The following LRRC8C variants were observed in gnomAD, a reference collection of about 807,000 sequenced individuals.
The protein encoded by LRRC8C is leucine rich repeat containing 8 VRAC subunit C, also known as volume-regulated anion channel subunit LRRC8C.
LRRC8C carries 20 observed loss-of-function variants against 55.3 expected under a neutral mutation model. That is an observed-to-expected ratio of 0.36 (90% CI 0.25 to 0.53). The LOEUF (loss-of-function observed/expected upper bound fraction) is 0.53, where lower values mean the gene tolerates loss of function less well. Ranked by LOEUF, LRRC8C falls within the 20% of genes least tolerant of loss-of-function variation. LRRC8C has a pLI of 0.92. For missense variants in LRRC8C, 659 were observed against 951.4 expected, an observed-to-expected ratio of 0.69 and a Z score of 4.04; for synonymous variants, 376 against 360.7, an observed-to-expected ratio of 1.04 and a Z score of -0.48.
chr1:89,667,896 A>G (rs1040392643), intron 1 of LRRC8C, among the ~76,000 whole-genome samples: 4 of 152,166 alleles, frequency 2.6e-5, no homozygotes, highest in South Asian at 2.1e-4. Context: ...TGGGACCTGA[A>G]TGGAGAAGCC....
intron 1 of LRRC8C, among the ~76,000 whole-genome samples, chr1:89,647,218 C>T (rs1167224945): frequency 6.6e-6 from 1 of 152,120 alleles, no homozygotes; most frequent in African/African-American, 2.4e-5. Flanking sequence ...GGAGACAAAG[C>T]AAATCTTCGG....
intron 2 of LRRC8C, chr1:89,706,415 T>A (rs1435991968): frequency 1.8e-5 from 8 of 448,996 alleles, no homozygotes; most frequent in Non-Finnish European, 3.6e-5. Context: ...GTTCTGCTTT[T>A]TCACTTCCAT....
chr1:89,676,959 AAGC>A (rs1657564500), intron 1 of LRRC8C, among the ~76,000 whole-genome samples: 1 of 152,182 alleles, frequency 6.6e-6, no homozygotes, highest in Non-Finnish European at 1.5e-5. Context: ...GAGAGGGAAA[AAGC>A]AGCTACTGAT....
At chr1:89,706,215 G>A (rs1373969846) in intron 2 of LRRC8C, 1 of 446,160 alleles carries the variant, frequency 2.2e-6, no homozygotes, top group African/African-American at 2.0e-5. Flanking sequence ...TTTTCCTGAG[G>A]CACACTCAGA....
intron 2 of LRRC8C, among the ~76,000 whole-genome samples, chr1:89,699,749 TTA>T (rs1213239607): frequency 6.6e-6 from 1 of 152,176 alleles, no homozygotes; most frequent in Admixed American, 6.5e-5. Context: ...CCAAATATGC[TTA>T]TAGTCAACAT....
rs1384712196 is a variant in LRRC8C at position 89,713,910 on chromosome 1, A to G, written c.1340A>G (p.Gln447Arg). Reference protein sequence around the residue: ...PDTVFEITELQSLKLEIIKNV... With the variant: ...PDTVFEITELRSLKLEIIKNV... Reference sequence around the variant, plus strand: ...ACTGTTTTTGAAATCACAGAGTTGCAATCTCTAAAACTTGAAATCATTAAG... The same window carrying G: ...ACTGTTTTTGAAATCACAGAGTTGCGATCTCTAAAACTTGAAATCATTAAG... Residue 447 changes from glutamine (Q) to arginine (R), a missense_variant, in exon 3 of 3, where the codon CAA (glutamine) becomes CGA (arginine). Gln to Arg is a conservative substitution (Grantham distance 43, BLOSUM62 1). Around this residue, in one of 5 missense-constraint regions of LRRC8C, gnomAD observed 344 missense variants for 464.6 expected, o/e 0.74. Transcript: ENST00000370454. This position sits in a 1 kb window ranked among gnomAD's most constrained non-coding sequence, Gnocchi z 5.2. 1 of 1,614,100 alleles carries G rather than the reference A, an allele frequency of 6.2e-7. No individual in the cohort carries two copies. The highest frequency in any genetic ancestry group is 8.5e-7 in the Non-Finnish European group (1 of 1,180,016).
intron 1 of LRRC8C, among the ~76,000 whole-genome samples, chr1:89,673,145 A>C (rs1206502851): frequency 1.3e-5 from 2 of 152,078 alleles, no homozygotes; most frequent in African/African-American, 4.8e-5. Flanking sequence ...TTTTAATTGA[A>C]TTCCTATGAC....
chr1:89,623,777 A>G, the LRRC8C span, among the ~76,000 whole-genome samples: 1 of 152,218 alleles, frequency 6.6e-6, no homozygotes, highest in African/African-American at 2.4e-5. Context: ...AGGAGAGAAT[A>G]TTCATTAGGC....
chr1:89,694,987 T>C (rs1334688183), intron 2 of LRRC8C, among the ~76,000 whole-genome samples: 1 of 150,212 alleles, frequency 6.7e-6, no homozygotes, highest in East Asian at 2.0e-4. Context: ...AGTGGCTCAA[T>C]CTTGGCTCAC....
intron 1 of LRRC8C, among the ~76,000 whole-genome samples, chr1:89,657,683 G>A (rs2101206789): frequency 6.7e-6 from 1 of 150,078 alleles, no homozygotes; most frequent in Non-Finnish European, 1.5e-5. Flanking sequence ...AGAGGTTGCA[G>A]TGAGCTCAGA....
chr1:89,701,631 G>A (rs1261756547), intron 2 of LRRC8C, among the ~76,000 whole-genome samples: 1 of 152,152 alleles, frequency 6.6e-6, no homozygotes, highest in Non-Finnish European at 1.5e-5. Flanking sequence ...AGTTTACCTT[G>A]TGTGGCACTA....
intron 1 of LRRC8C, among the ~76,000 whole-genome samples, chr1:89,665,930 A>G (rs763623335): frequency 1.2e-4 from 18 of 152,164 alleles, no homozygotes; most frequent in African/African-American, 3.6e-4. Context: ...CGATACACAA[A>G]TACTTACTAT....
At chr1:89,662,897 C>G (rs972763960) in intron 1 of LRRC8C, among the ~76,000 whole-genome samples, 1 of 152,006 alleles carries the variant, frequency 6.6e-6, no homozygotes, top group African/African-American at 2.4e-5. Context: ...TAGGTATACA[C>G]GTGCCATGGT....
chr1:89,626,623 T>C, the LRRC8C span: 1 of 152,184 alleles, frequency 6.6e-6, no homozygotes, highest in South Asian at 2.1e-4. Context: ...TACTAGTTTA[T>C]TACAAAGGAT....
intron 2 of LRRC8C, chr1:89,706,181 T>C (rs951647099): frequency 2.5e-6 from 1 of 402,884 alleles, no homozygotes; most frequent in Non-Finnish European, 4.9e-6. Flanking sequence ...AACTGACATA[T>C]AGTAGATACT....
chr1:89,630,272 GAT>G (rs1656071338), upstream of LRRC8C, among the ~76,000 whole-genome samples: 1 of 152,210 alleles, frequency 6.6e-6, no homozygotes, highest in Admixed American at 6.5e-5. Flanking sequence ...AGGGGTTACA[GAT>G]ATTCTAAGTC....
the LRRC8C span, chr1:89,626,231 C>G: frequency 2.6e-5 from 4 of 152,170 alleles, no homozygotes; most frequent in African/African-American, 9.7e-5. Context: ...TTACTTTAAA[C>G]TTACACTACA....
intron 1 of LRRC8C, among the ~76,000 whole-genome samples, chr1:89,641,272 G>C (rs1483814880): frequency 6.6e-6 from 1 of 152,132 alleles, no homozygotes; most frequent in African/African-American, 2.4e-5. Flanking sequence ...AAATGTTTCT[G>C]GTAGATGGAT....
At chr1:89,706,931 T>A (rs1399755288) in intron 2 of LRRC8C, among the ~76,000 whole-genome samples, 1 of 152,190 alleles carries the variant, frequency 6.6e-6, no homozygotes, top group Non-Finnish European at 1.5e-5. Context: ...AATTGAAGAA[T>A]CCAAATTTTA....
Sources: gnomAD v4.1 joint callset for allele counts (sites outside exome capture counted in the v4.1 genomes callset) on GRCh38, gnomAD v4.1.1 for gene constraint, gnomAD v4.1.1 regional missense constraint, Gnocchi (gnomAD v3.1) non-coding constraint, MANE v1.5 for transcripts, NCBI Gene and HGNC (gene_info 2026-07-23, HGNC 2026-07-21) for gene names.